The following CDH12 variants were observed in gnomAD, a reference collection of about 807,000 sequenced individuals.
CDH12 encodes cadherin 12.
Under a neutral mutation model 74.1 loss-of-function variants are expected in CDH12, and 41 were observed. The observed-to-expected ratio is 0.55, with a 90% CI of 0.43 to 0.72. The LOEUF is 0.72. CDH12 is among the 30% of genes least tolerant of loss of function. The pLI is 0.00. For missense variants in CDH12, 945 were observed against 977.2 expected (o/e 0.97, Z 0.44); for synonymous variants, 399 against 355.0 (o/e 1.12, Z -1.39).
In CDH12 at chr5:21,881,794, A is replaced by G. The variant is rs2150033634; in HGVS notation, c.527-27004T>C. On this transcript the variant is annotated intron_variant, in intron 6 of 14. Coordinates refer to ENST00000382254, the MANE Select transcript of CDH12 (RefSeq NM_004061.5). ...AAAAAGTATGCAAGGAATTTTCCAC[A>G]GTAGCTACACTTGCCTAAGATCAGA... Among the ~76,000 whole-genome samples, 3 of 152,318 alleles carry G rather than the reference A, an allele frequency of 2.0e-5. No homozygotes were observed. The South Asian group carries it at 6.2e-4, about 32-fold the overall frequency.
intron 4 of CDH12, among the ~76,000 whole-genome samples, chr5:22,177,635 C>G (rs2150334590): frequency 6.6e-6 from 1 of 152,212 alleles, no homozygotes; most frequent in South Asian, 2.1e-4. Context: ...ATTAATCACA[C>G]ATGGCTGGAT....
intron 8 of CDH12, among the ~76,000 whole-genome samples, chr5:21,833,481 ATTATATATCATATG>A (rs948926724): frequency 1.9e-5 from 2 of 106,412 alleles, no homozygotes; most frequent in Admixed American, 2.6e-4. Context: ...TATATCATAT[ATTATATATCATATG>A]TAATATATAA....
chr5:22,537,131 G>A (rs1737884122), intron 1 of CDH12, among the ~76,000 whole-genome samples: 1 of 152,088 alleles, frequency 6.6e-6, no homozygotes, highest in Non-Finnish European at 1.5e-5. Context: ...ACAGCAGGCT[G>A]AAACTTTTAG....
chr5:22,478,366 A>C (rs1285976405), intron 2 of CDH12, among the ~76,000 whole-genome samples: 3 of 146,924 alleles, frequency 2.0e-5, no homozygotes, highest in East Asian at 2.0e-4. Flanking sequence ...TTCAGTGAGC[A>C]GAGACCGCGC....
At chr5:22,713,908 T>C (rs1743430057) in intron 1 of CDH12, among the ~76,000 whole-genome samples, 1 of 152,206 alleles carries the variant, frequency 6.6e-6, no homozygotes, top group Non-Finnish European at 1.5e-5. Flanking sequence ...TTTAAAGTTA[T>C]ACTATATTCC....
At chr5:22,256,050 A>G (rs930545599) in intron 3 of CDH12, among the ~76,000 whole-genome samples, 2 of 152,140 alleles carry the variant, frequency 1.3e-5, no homozygotes, top group African/African-American at 4.8e-5. Context: ...CTATTGTATT[A>G]TTGCATCAAC....
intron 1 of CDH12, among the ~76,000 whole-genome samples, chr5:22,575,811 T>C (rs1739760576): frequency 6.6e-6 from 1 of 152,112 alleles, no homozygotes. Context: ...GCGATCCGCC[T>C]GCCTCAGCCT....
At chr5:22,209,751 G>A (rs1359042151) in intron 4 of CDH12, among the ~76,000 whole-genome samples, 2 of 151,744 alleles carry the variant, frequency 1.3e-5, no homozygotes, top group Non-Finnish European at 2.9e-5. Context: ...CTTATTTTGT[G>A]TAAACAAGAG....
intron 4 of CDH12, among the ~76,000 whole-genome samples, chr5:22,081,413 T>A (rs1742718466): frequency 6.6e-6 from 1 of 152,162 alleles, no homozygotes; most frequent in Non-Finnish European, 1.5e-5. Context: ...TTTCTTAAAT[T>A]TTTTGTTTCT....
chr5:22,153,858 G>GTATATATATATATGTATATATA (rs1747788491), intron 4 of CDH12, among the ~76,000 whole-genome samples: 1 of 103,266 alleles, frequency 9.7e-6, no homozygotes, highest in Non-Finnish European at 1.9e-5. Flanking sequence ...ATGTGTGTGT[G>GTATATATATATATGTATATATA]TATATATATA....
intron 6 of CDH12, among the ~76,000 whole-genome samples, chr5:21,864,347 C>T (rs918253317): frequency 2.0e-5 from 3 of 152,056 alleles, no homozygotes; most frequent in Non-Finnish European, 2.9e-5. Context: ...AAGATCCACC[C>T]TTAGTGTGGG....
At chr5:22,269,435 A>G (rs1246016311) in intron 3 of CDH12, among the ~76,000 whole-genome samples, 2 of 152,104 alleles carry the variant, frequency 1.3e-5, no homozygotes, top group East Asian at 3.9e-4. Context: ...TAATCTACTT[A>G]ACCTGGTTGT....
intron 1 of CDH12, among the ~76,000 whole-genome samples, chr5:22,776,830 C>A (rs1271027643): frequency 6.6e-6 from 1 of 151,964 alleles, no homozygotes; most frequent in Non-Finnish European, 1.5e-5. Context: ...TTAATAAGTT[C>A]TAAGAAGTAA....
At chr5:22,391,971 T>A (rs1195669886) in intron 3 of CDH12, among the ~76,000 whole-genome samples, 1 of 152,112 alleles carries the variant, frequency 6.6e-6, no homozygotes, top group Non-Finnish European at 1.5e-5. Context: ...GAGGCAGCAA[T>A]GAAAGGCACC....
At chr5:22,760,574 G>A (rs1017040454) in intron 1 of CDH12, among the ~76,000 whole-genome samples, 3 of 151,162 alleles carry the variant, frequency 2.0e-5, no homozygotes, top group African/African-American at 4.9e-5. Context: ...AGCTACTTGG[G>A]AGGCTGAGGC....
At chr5:22,383,180 G>C (rs1410747459) in intron 3 of CDH12, among the ~76,000 whole-genome samples, 1 of 152,080 alleles carries the variant, frequency 6.6e-6, no homozygotes, top group Non-Finnish European at 1.5e-5. Flanking sequence ...ATGGTGTGTT[G>C]GCACTTCTGA....
At chr5:22,247,495 T>TA (rs113007830) in intron 3 of CDH12, among the ~76,000 whole-genome samples, 6 of 151,736 alleles carry the variant, frequency 4.0e-5, no homozygotes, top group Non-Finnish European at 8.8e-5. Context: ...GGCAATATGG[T>TA]AAAAAACCAT....
At chr5:22,402,714 T>A (rs985576826) in intron 3 of CDH12, among the ~76,000 whole-genome samples, 3 of 152,154 alleles carry the variant, frequency 2.0e-5, no homozygotes, top group Non-Finnish European at 4.4e-5. Flanking sequence ...GAAGAGCAAA[T>A]TCTAAAGAGA....
chr5:22,608,826 C>A (rs746624309), intron 1 of CDH12, among the ~76,000 whole-genome samples: 2 of 152,086 alleles, frequency 1.3e-5, no homozygotes, highest in Non-Finnish European at 2.9e-5. Flanking sequence ...TGAAGAGGTG[C>A]CTTCCACCAT....
Sources: gnomAD v4.1 joint callset for allele counts (sites outside exome capture counted in the v4.1 genomes callset) on GRCh38, gnomAD v4.1.1 for gene constraint, MANE v1.5 for transcripts, NCBI Gene and HGNC (gene_info 2026-07-23, HGNC 2026-07-21) for gene names.